KNL1: variants seen among roughly 807,000 people sequenced by gnomAD.
The protein encoded by KNL1 is kinetochore scaffold 1.
In KNL1, 66 loss-of-function variants were observed where a neutral mutation model predicts 201.3. The observed-to-expected ratio is 0.33, with a 90% CI of 0.27 to 0.40. The LOEUF (loss-of-function observed/expected upper bound fraction) is 0.40, where lower values mean the gene tolerates loss of function less well. KNL1 is among the 10% of genes least tolerant of loss of function. KNL1 has a pLI of 1.00. For missense variants in KNL1, 2,815 were observed against 2,690.5 expected, an observed-to-expected ratio of 1.05 and a Z score of -1.02; for synonymous variants, 895 against 899.2, an observed-to-expected ratio of 1.00 and a Z score of 0.08.
Position 40,664,273 on chromosome 15 carries a change from A to C in KNL1, c.*2085A>C, listed in dbSNP as rs1051482. The C allele has an allele frequency of 0.25, 44,587 of 176,550 alleles. 6,791 individuals carry two copies. Among genetic ancestry groups the C allele is most frequent in the Middle Eastern group, 0.35 (151 of 432 alleles). The allele number at this position is 176,550 out of a possible 1,614,324, so 10.9% of individuals were successfully genotyped here. ...ATTGACTAGTTTCATAAATTTTTTG[A>C]AAGTTTTTCTTTCATTGGTTGGAAA... On this transcript the variant is annotated 3_prime_UTR_variant, in exon 26 of 26. Transcript: ENST00000399668.
intron 25 of KNL1, among the ~76,000 whole-genome samples, chr15:40,661,815 G>T (rs894513799): frequency 6.6e-6 from 1 of 152,124 alleles, no homozygotes; most frequent in Non-Finnish European, 1.5e-5. Flanking sequence ...GGCCGAGGTG[G>T]GTGGATCACA....
At chr15:40,608,433 GAAAAAA>G (rs1240921260) in intron 4 of KNL1, among the ~76,000 whole-genome samples, 1 of 80,982 alleles carries the variant, frequency 1.2e-5, no homozygotes, top group Non-Finnish European at 2.5e-5. Flanking sequence ...AACCGTCTTG[GAAAAAA>G]AAAAAAAAAA....
chr15:40,618,145 CCCTT>C (rs1892404980), intron 8 of KNL1, among the ~76,000 whole-genome samples: 1 of 151,770 alleles, frequency 6.6e-6, no homozygotes, highest in African/African-American at 2.4e-5. Flanking sequence ...CCTTTTGAAT[CCCTT>C]CCTTATTTAC....
intron 16 of KNL1, 174 bp from the exon 17 acceptor site, chr15:40,646,813 C>G (rs1044927766): frequency 1.4e-4 from 53 of 384,738 alleles, no homozygotes; most frequent in Non-Finnish European, 2.2e-4. Context: ...GCCCAGATGG[C>G]GCCACTGCAC....
chr15:40,638,763 G>A (rs2141744312), intron 13 of KNL1, among the ~76,000 whole-genome samples: 1 of 151,898 alleles, frequency 6.6e-6, no homozygotes, highest in South Asian at 2.1e-4. Context: ...AAAGTGTTGG[G>A]ATTACAGGCG....
chr15:40,660,664 CAAAAA>C (rs35985022), intron 25 of KNL1, among the ~76,000 whole-genome samples: 7 of 88,804 alleles, frequency 7.9e-5, no homozygotes, highest in Non-Finnish European at 1.2e-4. Context: ...AACTCCGTCT[CAAAAA>C]AAAAAAAAAA....
chr15:40,617,112 C>A (rs1359686292), intron 8 of KNL1, among the ~76,000 whole-genome samples: 2 of 152,056 alleles, frequency 1.3e-5, no homozygotes. Flanking sequence ...CCAGGCCGAG[C>A]TGATTTTTGT....
intron 1 of KNL1, among the ~76,000 whole-genome samples, chr15:40,596,436 G>A (rs567100584): frequency 4.6e-5 from 7 of 151,856 alleles, no homozygotes; most frequent in Non-Finnish European, 8.8e-5. Context: ...GCCACCATGC[G>A]CAGCCAATTT....
At chr15:40,620,187 G>A (rs373827917) in intron 9 of KNL1, among the ~76,000 whole-genome samples, 3 of 152,064 alleles carry the variant, frequency 2.0e-5, no homozygotes, top group East Asian at 1.9e-4. Flanking sequence ...TGGATTACAG[G>A]CGTGAGCCAC....
chr15:40,662,486 C>T lies in KNL1; in HGVS notation c.*298C>T. On this transcript the variant is annotated 3_prime_UTR_variant, in exon 26 of 26. Transcript: ENST00000399668. ...AGTGCTTTCTGCTTTAGTACAAGCC[C>T]TAAGGATTAACTTAAGTATAAGAAG... 7.3e-6 allele frequency: 2 copies of T among 274,586 alleles called. No homozygotes were observed. Among genetic ancestry groups the T allele is most frequent in the East Asian group, 5.6e-5 (1 of 17,860 alleles). The allele number at this position is 274,586 out of a possible 1,614,324, so 17.0% of individuals were successfully genotyped here.
intron 20 of KNL1, 67 bp downstream of exon 20, chr15:40,651,639 G>T: frequency 9.2e-7 from 1 of 1,090,974 alleles, no homozygotes; most frequent in Non-Finnish European, 1.3e-6. Flanking sequence ...AAACCGATTG[G>T]AGCAATTGAT....
intron 10 of KNL1, 55 bp downstream of exon 10, chr15:40,625,695 T>A: frequency 7.0e-7 from 1 of 1,427,376 alleles, no homozygotes; most frequent in Non-Finnish European, 9.7e-7. Context: ...TTGTTTTGTT[T>A]TCTTAAATTG....
rs928693343 is a variant in KNL1, at chr15:40,620,575, G to A, written c.376-65G>A. Reference sequence around the variant, plus strand: ...ACTGAGGATTTTTTATATAATACATGTTGTAAAATGCCTTTTTAAAAGTTT... The same window carrying A: ...ACTGAGGATTTTTTATATAATACATATTGTAAAATGCCTTTTTAAAAGTTT... On this transcript the variant is annotated intron_variant, in intron 9 of 25. Coordinates refer to ENST00000399668, the MANE Select transcript of KNL1 (RefSeq NM_144508.5). The A allele has an allele frequency of 4.0e-6, 4 of 1,007,372 alleles. No homozygotes were observed. The African/African-American group carries it at 6.5e-5, about 16-fold the overall frequency. 62.4% of individuals were successfully genotyped at this position (1,007,372 alleles called of 1,614,324 possible). A position where few individuals can be genotyped will look rare whatever the true frequency, so the allele number is the denominator to read the frequency against.
intron 1 of KNL1, among the ~76,000 whole-genome samples, chr15:40,601,916 G>A (rs1158818404): frequency 8.5e-6 from 1 of 118,244 alleles, no homozygotes; most frequent in African/African-American, 3.2e-5. Flanking sequence ...CGCCCAGGCT[G>A]GAGTGCAGTG....
At chr15:40,659,922 GTGTGTT>G (rs1008279088) in intron 25 of KNL1, among the ~76,000 whole-genome samples, 1 of 150,604 alleles carries the variant, frequency 6.6e-6, no homozygotes, top group African/African-American at 2.4e-5. Flanking sequence ...GTGTGTGTGT[GTGTGTT>G]TGAGATGGAG....
Position 40,620,720 on chromosome 15 carries a change from C to T in KNL1, c.456C>T (p.Asp152=), listed in dbSNP as rs1345481209. Reference sequence around the variant, plus strand: ...TTTTTTCAGATGAAAACCAGATGGACCTGACATCAAGTCACACTGTAATGA... The same window carrying T: ...TTTTTTCAGATGAAAACCAGATGGATCTGACATCAAGTCACACTGTAATGA... ...TVIFSDENQM[D]LTSSHTVMIT... is the part of the protein sequence containing the mutation. The change falls in exon 10 of 26, where the codon GAC becomes GAT. Residue 152 remains aspartate, a synonymous_variant. Transcript: ENST00000399668. 1.3e-5 allele frequency: 21 copies of T among 1,608,916 alleles called. No individual in the cohort carries two copies. Among genetic ancestry groups the T allele is most frequent in the Admixed American group, 5.1e-5 (3 of 58,488 alleles).
rs73396508 is a variant in KNL1 at position 40,662,538 on chromosome 15, A to G, written c.*350A>G. The G allele has an allele frequency of 5.1e-3, 1,180 of 232,268 alleles. 11 individuals carry two copies. The highest frequency in any genetic ancestry group is 0.025 in the African/African-American group (1,117 of 45,166). 14.4% of individuals were successfully genotyped at this position (232,268 alleles called of 1,614,324 possible). A position where few individuals can be genotyped will look rare whatever the true frequency, so the allele number is the denominator to read the frequency against. On this transcript the variant is annotated 3_prime_UTR_variant, in exon 26 of 26. Transcript: ENST00000399668. ...GTTATCACTGACAAGAACATTAGCC[A>G]TTTTCCCATAACTAGATAGAGCTAT...
intron 10 of KNL1, 158 bp downstream of exon 10, chr15:40,625,798 T>G (rs1400330778): frequency 1.7e-6 from 1 of 582,094 alleles, no homozygotes; most frequent in Admixed American, 3.2e-5. Flanking sequence ...TGTAGAACCT[T>G]CAGAAATTAA....
intron 22 of KNL1, among the ~76,000 whole-genome samples, chr15:40,656,555 T>G (rs1427342705): frequency 2.0e-5 from 3 of 152,168 alleles, no homozygotes; most frequent in Admixed American, 6.6e-5. Flanking sequence ...TGTCCTATCT[T>G]CACCATACAT....
Sources: gnomAD v4.1 joint callset for allele counts (sites outside exome capture counted in the v4.1 genomes callset) on GRCh38, gnomAD v4.1.1 for gene constraint, MANE v1.5 for transcripts, NCBI Gene and HGNC (gene_info 2026-07-23, HGNC 2026-07-21) for gene names.